The following SUMF1 variants were observed in gnomAD, a reference collection of about 807,000 sequenced individuals.
The protein encoded by SUMF1 is formylglycine-generating enzyme.
Under a neutral mutation model 47.6 loss-of-function variants are expected in SUMF1, and 48 were observed. The ratio of observed to expected loss-of-function variants is 1.01; its 90% CI spans 0.80 to 1.28. The LOEUF is 1.28. Ranked by LOEUF, SUMF1 falls within the 50% of genes most tolerant of loss-of-function variation. The pLI, the probability that SUMF1 is intolerant of heterozygous loss-of-function variation, is 0.00. For synonymous variants in SUMF1, 230 were observed against 192.1 expected, an observed-to-expected ratio of 1.20 and a Z score of -1.63; for missense variants, 571 against 485.4, an observed-to-expected ratio of 1.18 and a Z score of -1.66.
intron 8 of SUMF1, among the ~76,000 whole-genome samples, chr3:4,278,576 T>C (rs889369731): frequency 3.3e-5 from 5 of 152,110 alleles, no homozygotes; most frequent in African/African-American, 1.2e-4. Flanking sequence ...AATACGTCTA[T>C]GAGACTGGTT....
chr3:4,407,628 AGG>A (rs1701416572), intron 7 of SUMF1, among the ~76,000 whole-genome samples: 1 of 152,226 alleles, frequency 6.6e-6, no homozygotes, highest in Non-Finnish European at 1.5e-5. Context: ...ACAGTCCATT[AGG>A]GAAGAAAAGC....
At chr3:4,375,919 T>A (rs1272666485) in intron 8 of SUMF1, among the ~76,000 whole-genome samples, 1 of 152,192 alleles carries the variant, frequency 6.6e-6, no homozygotes, top group East Asian at 1.9e-4. Context: ...CATTTCAGTA[T>A]ATCACAATCT....
chr3:4,242,355 G>C (rs775896927), intron 8 of SUMF1, among the ~76,000 whole-genome samples: 9 of 152,142 alleles, frequency 5.9e-5, no homozygotes, highest in Admixed American at 3.3e-4. Flanking sequence ...TCGTGTGCCA[G>C]TTTTCAGAGG....
At chr3:4,115,819 T>C (rs13084851) in intron 8 of SUMF1, among the ~76,000 whole-genome samples, 74,273 of 151,908 alleles carry the variant, frequency 0.49, 18,742 homozygotes, top group African/African-American at 0.6. Flanking sequence ...TACGAAACGA[T>C]ATTTAAAAAA....
At chr3:4,332,190 G>A (rs992751105) in intron 8 of SUMF1, among the ~76,000 whole-genome samples, 4 of 152,054 alleles carry the variant, frequency 2.6e-5, no homozygotes, top group Admixed American at 2.0e-4. Flanking sequence ...CACACAACAC[G>A]TATAAACACA....
chr3:4,107,653 T>C (rs1171083717), intron 8 of SUMF1, among the ~76,000 whole-genome samples: 1 of 152,054 alleles, frequency 6.6e-6, no homozygotes. Flanking sequence ...TTATTCCCTA[T>C]TAAAGCGCAA....
At chr3:4,274,800 G>A (rs771141420) in intron 8 of SUMF1, among the ~76,000 whole-genome samples, 1 of 152,158 alleles carries the variant, frequency 6.6e-6, no homozygotes, top group Admixed American at 6.5e-5. Context: ...GAAAAAACTA[G>A]ACCAGGTAAT....
chr3:4,400,118 A>T (rs1166254885), intron 7 of SUMF1, among the ~76,000 whole-genome samples: 2 of 152,058 alleles, frequency 1.3e-5, no homozygotes, highest in Non-Finnish European at 2.9e-5. Flanking sequence ...CAACCGACCC[A>T]AACTGGGGGC....
chr3:4,083,649 G>C (rs2125047097), intron 8 of SUMF1, among the ~76,000 whole-genome samples: 1 of 152,090 alleles, frequency 6.6e-6, no homozygotes, highest in South Asian at 2.1e-4. Flanking sequence ...TTATACCTCT[G>C]GCTTATTTTA....
intron 7 of SUMF1, among the ~76,000 whole-genome samples, chr3:4,401,822 C>T (rs1240052653): frequency 2.0e-5 from 3 of 152,168 alleles, no homozygotes; most frequent in Admixed American, 6.6e-5. Context: ...TGAACTGCTG[C>T]CATCCCAATC....
chr3:4,285,681 A>T (rs1011900595), intron 8 of SUMF1, among the ~76,000 whole-genome samples: 1 of 152,084 alleles, frequency 6.6e-6, no homozygotes, highest in Non-Finnish European at 1.5e-5. Context: ...GGCCTTACAC[A>T]TATTTGTCAC....
At chr3:4,437,741 T>A (rs992794833) in intron 3 of SUMF1, among the ~76,000 whole-genome samples, 7 of 151,938 alleles carry the variant, frequency 4.6e-5, no homozygotes, top group African/African-American at 1.5e-4. Flanking sequence ...GAGTTCGAGA[T>A]CAGCCTGGCC....
At chr3:4,272,891 T>C (rs1210118095) in intron 8 of SUMF1, among the ~76,000 whole-genome samples, 1 of 151,908 alleles carries the variant, frequency 6.6e-6, no homozygotes, top group East Asian at 1.9e-4. Flanking sequence ...CTGGGCAATA[T>C]AGCCAGACAG....
intron 8 of SUMF1, among the ~76,000 whole-genome samples, chr3:4,076,596 C>G (rs1252733150): frequency 1.3e-5 from 2 of 152,086 alleles, no homozygotes; most frequent in Admixed American, 6.5e-5. Flanking sequence ...ATCTATCCAT[C>G]TGACAAAGCA....
Position 4,135,487 on chromosome 3 carries a change from G to C in SUMF1, c.1015-66742C>G, listed in dbSNP as rs540084848. Among the ~76,000 whole-genome samples, 52 of 148,122 alleles carry C rather than the reference G, an allele frequency of 3.5e-4. 1 individual carries two copies. Among genetic ancestry groups the C allele is most frequent in the Non-Finnish European group, 6.5e-4 (43 of 66,256 alleles). On this transcript the variant is annotated intron_variant and NMD_transcript_variant, in intron 8 of 12. Transcript: ENST00000448413. The stretch of plus-strand genomic sequence containing the variant: ...TGGGATGTATCTCAAAATAATAACA[G>C]CTATCTATGACAAACCCATAGCCAA...
intron 7 of SUMF1, among the ~76,000 whole-genome samples, chr3:4,393,289 T>A (rs150028906): frequency 9.1e-4 from 138 of 152,296 alleles, no homozygotes; most frequent in Admixed American, 3.6e-3. Context: ...AATCTTTGGC[T>A]GTAAGGCTTT....
At position 4,046,307 on chromosome 3, in the gene SUMF1, A is replaced by G. The variant is rs146081588; in HGVS notation, c.1191+22262T>C. On this transcript the variant is annotated intron_variant and NMD_transcript_variant, in intron 9 of 12. Transcript: ENST00000448413. ...CTAAGAATCAAGTGGCCAGTGGTGC[A>G]CCATGGGAGAGATGATCACCAAACT... is the stretch of plus-strand genomic sequence containing the variant. 4.3e-4 allele frequency among the ~76,000 whole-genome samples: 65 copies of G among 152,244 alleles called. 1 individual carries two copies. Among genetic ancestry groups the G allele is most frequent in the African/African-American group, 1.4e-3 (58 of 41,542 alleles).
intron 8 of SUMF1, among the ~76,000 whole-genome samples, chr3:4,257,197 G>C (rs1696974657): frequency 3.0e-5 from 2 of 67,434 alleles, no homozygotes; most frequent in Non-Finnish European, 5.5e-5. Flanking sequence ...TTGAAAACTG[G>C]CACAAGACAG....
At chr3:4,216,932 C>A (rs1695938211) in intron 8 of SUMF1, among the ~76,000 whole-genome samples, 1 of 152,086 alleles carries the variant, frequency 6.6e-6, no homozygotes, top group South Asian at 2.1e-4. Flanking sequence ...TAAATTAGTT[C>A]AACCATTGTG....
Sources: allele counts gnomAD v4.1 joint callset (sites outside exome capture counted in the v4.1 genomes callset), GRCh38; gene constraint gnomAD v4.1.1; transcripts MANE v1.5; gene names NCBI Gene and HGNC (gene_info 2026-07-23, HGNC 2026-07-21).